The following HIKESHI variants were observed in gnomAD, a reference collection of about 807,000 sequenced individuals.
HIKESHI encodes the protein heat shock protein nuclear import factor hikeshi, also known as protein Hikeshi.
Under a neutral mutation model 25.7 loss-of-function variants are expected in HIKESHI, and 13 were observed. The observed-to-expected ratio is 0.51, with a 90% CI of 0.33 to 0.80. HIKESHI has a LOEUF of 0.80. Ranked by LOEUF, HIKESHI falls within the 30% of genes least tolerant of loss-of-function variation. The pLI, the probability that HIKESHI is intolerant of heterozygous loss-of-function variation, is 0.02. For synonymous variants in HIKESHI, 76 were observed against 78.7 expected, an observed-to-expected ratio of 0.97 and a Z score of 0.18; for missense variants, 174 against 229.5, an observed-to-expected ratio of 0.76 and a Z score of 1.56.
intron 2 of HIKESHI, among the ~76,000 whole-genome samples, chr11:86,311,679 T>C (rs1946838782): frequency 1.3e-5 from 2 of 152,206 alleles, no homozygotes; most frequent in Admixed American, 1.3e-4. Context: ...TCTTTCCTGC[T>C]TTCTCTTGTG....
chr11:86,343,453 A>G (rs1432552372), intron 3 of HIKESHI: 1 of 152,002 alleles, frequency 6.6e-6, no homozygotes, highest in African/African-American at 2.4e-5. Flanking sequence ...TGGGTAACAT[A>G]GTGAGACCCT....
At chr11:86,314,839 AC>A (rs768021785) in intron 2 of HIKESHI, among the ~76,000 whole-genome samples, 7 of 152,162 alleles carry the variant, frequency 4.6e-5, no homozygotes, top group Non-Finnish European at 8.8e-5. Flanking sequence ...TGTCAACATC[AC>A]CTGGGAATCT....
intron 2 of HIKESHI, among the ~76,000 whole-genome samples, chr11:86,330,691 T>C (rs907456546): frequency 6.6e-6 from 1 of 152,250 alleles, no homozygotes; most frequent in African/African-American, 2.4e-5. Context: ...GCTTTTCTGA[T>C]GAATTAGAAA....
At chr11:86,327,271 A>G (rs1483502683) in intron 2 of HIKESHI, among the ~76,000 whole-genome samples, 1 of 152,016 alleles carries the variant, frequency 6.6e-6, no homozygotes, top group East Asian at 1.9e-4. Flanking sequence ...TTTATCTTTC[A>G]CAGCATCCTT....
At chr11:86,333,393 G>A (rs567132600) in intron 2 of HIKESHI, among the ~76,000 whole-genome samples, 8 of 151,862 alleles carry the variant, frequency 5.3e-5, no homozygotes, top group Admixed American at 1.3e-4. Flanking sequence ...AAAATTAGCC[G>A]GTGTGGTTGC....
intron 3 of HIKESHI, among the ~76,000 whole-genome samples, chr11:86,339,358 A>G (rs1302243414): frequency 6.6e-6 from 1 of 152,216 alleles, no homozygotes; most frequent in Non-Finnish European, 1.5e-5. Context: ...TGTACCAGGC[A>G]TTTCTAAGCA....
At chr11:86,331,682 A>C (rs2138385765) in intron 2 of HIKESHI, among the ~76,000 whole-genome samples, 1 of 152,286 alleles carries the variant, frequency 6.6e-6, no homozygotes, top group East Asian at 1.9e-4. Flanking sequence ...TTTCAGACAT[A>C]CTATGGTATC....
At chr11:86,304,573 A>G (rs559154084) in intron 1 of HIKESHI, among the ~76,000 whole-genome samples, 308 of 147,964 alleles carry the variant, frequency 2.1e-3, no homozygotes, top group African/African-American at 6.9e-3. Flanking sequence ...CTGGAGTGCA[A>G]TGGTGTGATC....
At chr11:86,336,993 T>C (rs1947581357) in intron 2 of HIKESHI, among the ~76,000 whole-genome samples, 2 of 151,950 alleles carry the variant, frequency 1.3e-5, no homozygotes, top group African/African-American at 4.8e-5. Flanking sequence ...AAACTGTCTT[T>C]AGAGATGAAG....
At chr11:86,341,123 A>G (rs1019078891) in intron 3 of HIKESHI, among the ~76,000 whole-genome samples, 2 of 152,148 alleles carry the variant, frequency 1.3e-5, no homozygotes, top group Non-Finnish European at 2.9e-5. Context: ...TTTTTCTGTT[A>G]TAGATGTTTT....
At chr11:86,330,607 C>G (rs1947396942) in intron 2 of HIKESHI, among the ~76,000 whole-genome samples, 1 of 152,150 alleles carries the variant, frequency 6.6e-6, no homozygotes, top group African/African-American at 2.4e-5. Context: ...ATGATCAGGT[C>G]CAGGTTGTCC....
intron 1 of HIKESHI, among the ~76,000 whole-genome samples, chr11:86,304,006 T>G (rs988071069): frequency 2.0e-5 from 3 of 151,156 alleles, no homozygotes; most frequent in African/African-American, 7.4e-5. Context: ...TGCCAAAGAC[T>G]GGTGAAATTG....
intron 2 of HIKESHI, 76 bp downstream of exon 2, chr11:86,306,558 T>C: frequency 2.4e-6 from 2 of 847,582 alleles, no homozygotes; most frequent in Non-Finnish European, 3.6e-6. Context: ...GAATATGACT[T>C]TTCCCCCTTT....
At chr11:86,335,990 C>T (rs1357600587) in intron 2 of HIKESHI, among the ~76,000 whole-genome samples, 1 of 152,154 alleles carries the variant, frequency 6.6e-6, no homozygotes, top group Non-Finnish European at 1.5e-5. Flanking sequence ...TTATTATGCT[C>T]AAATTGCTAA....
chr11:86,316,698 TG>T (rs1420680062), intron 2 of HIKESHI, among the ~76,000 whole-genome samples: 2 of 150,566 alleles, frequency 1.3e-5, no homozygotes, highest in African/African-American at 4.9e-5. Context: ...GATTCCAGAA[TG>T]AGATTTTTTT....
intron 2 of HIKESHI, among the ~76,000 whole-genome samples, chr11:86,325,953 G>A (rs897380644): frequency 1.3e-4 from 20 of 151,916 alleles, no homozygotes; most frequent in Admixed American, 6.5e-4. Flanking sequence ...GTTCCTTACA[G>A]TTTTGGCTTC....
At position 86,337,496 on chromosome 11, in the gene HIKESHI, A is replaced by T. The variant is rs1213683642; in HGVS notation, c.386A>T (p.Asn129Ile). 1 of 1,613,340 alleles carries T rather than the reference A, an allele frequency of 6.2e-7. No homozygotes were observed. The highest frequency in any genetic ancestry group is 1.3e-5 in the African/African-American group (1 of 74,892). ...ATGGCTCAGCAGACTCCTGTAGGTA[A>T]TGCTGCTGTATCCTCAGTTGACTCA... is the stretch of plus-strand genomic sequence containing the variant. ...DSMAQQTPVGNAAVSSVDSFT... is the reference protein window; with the variant it reads ...DSMAQQTPVGIAAVSSVDSFT... The change falls in exon 3 of 5, where the codon AAT (asparagine) becomes ATT (isoleucine). Residue 129 changes from asparagine to isoleucine, a missense_variant. Coordinates refer to ENST00000278483, the MANE Select transcript of HIKESHI (RefSeq NM_016401.4).
At chr11:86,302,880 T>A (rs1173153587) in intron 1 of HIKESHI, among the ~76,000 whole-genome samples, 2 of 152,222 alleles carry the variant, frequency 1.3e-5, no homozygotes, top group Non-Finnish European at 1.5e-5. Flanking sequence ...CCTTCTTTAT[T>A]AACTTGAGGT....
intron 1 of HIKESHI, chr11:86,303,584 C>T (rs1946550460): frequency 5.5e-6 from 1 of 181,328 alleles, no homozygotes; most frequent in African/African-American, 2.4e-5. Flanking sequence ...GAATAAAAAG[C>T]CTATTTGGAA....
Sources: allele counts gnomAD v4.1 joint callset (sites outside exome capture counted in the v4.1 genomes callset), GRCh38; gene constraint gnomAD v4.1.1; transcripts MANE v1.5; gene names NCBI Gene and HGNC (gene_info 2026-07-23, HGNC 2026-07-21).